VWCE: variants seen among roughly 807,000 people sequenced by gnomAD.
VWCE encodes the protein von Willebrand factor C and EGF domains.
A neutral mutation model predicts 102.9 loss-of-function variants in VWCE; 68 were observed. That is an observed-to-expected ratio of 0.66 (90% confidence interval 0.54 to 0.81). The LOEUF is 0.81. Among genes scored for constraint, VWCE ranks in the 30% least tolerant of loss-of-function variants. VWCE has a pLI of 0.00. For missense variants in VWCE, 1,137 were observed against 1,263.6 expected (o/e 0.90, Z 1.52); for synonymous variants, 497 against 515.4 (o/e 0.96, Z 0.48).
At chr11:61,290,710 A>G (rs920922486) in intron 4 of VWCE, 89 bp downstream of exon 4, 69 of 1,472,800 alleles carry the variant, frequency 4.7e-5, no homozygotes, top group Non-Finnish European at 6.2e-5. Flanking sequence ...TAGCCTTGCA[A>G]TACACTGGAG....
chr11:61,286,428 T>A lies in VWCE; in HGVS notation c.427A>T (p.Ile143Phe), dbSNP rs760017973. 3.1e-6 allele frequency: 5 copies of A among 1,611,536 alleles called. No individual in the cohort carries two copies. In the Admixed American group the frequency reaches 6.7e-5, roughly 21 times the overall value. ...CAGGAGGAGGTTACACATTCGTCAA[T>A]GTCTGGAAAGACAGAAAGCACGTGT... The part of the protein sequence containing the change: ...ETAVGIRCTD[I>F]DECVTSSCEG... The change falls in exon 5 of 20, where the codon ATT (isoleucine) becomes TTT (phenylalanine). Residue 143 changes from isoleucine (I) to phenylalanine (F), a missense_variant and splice_region_variant. Coordinates refer to ENST00000335613, the MANE Select transcript of VWCE (RefSeq NM_152718.2).
At position 61,282,897 on chromosome 11, in the gene VWCE, C is replaced by G. The variant is rs766871805; in HGVS notation, c.550G>C (p.Glu184Gln). 6.2e-7 allele frequency: 1 copy of G among 1,613,970 alleles called. No homozygotes were observed. Among genetic ancestry groups the G allele is most frequent in the Non-Finnish European group, 8.5e-7 (1 of 1,179,840 alleles). The change falls in exon 6 of 20, where the codon GAA becomes CAA. Residue 184 changes from glutamate (E) to glutamine (Q), a missense_variant. By Grantham distance (29) the Glu-to-Gln change is conservative. Transcript: ENST00000335613. The stretch of plus-strand genomic sequence containing the variant: ...TGCTGACAGGGAGTCCCTAGGCATT[C>G]GTCAGTGTCTGGCAGGAAAAGGGAC... ...ADRHSCQDTD[E>Q]CLGTPCQQRC...
intron 13 of VWCE, among the ~76,000 whole-genome samples, chr11:61,271,993 C>T (rs1854723272): frequency 6.6e-6 from 1 of 152,158 alleles, no homozygotes; most frequent in African/African-American, 2.4e-5. Flanking sequence ...AGATACCATT[C>T]ATGCACAGAG....
chr11:61,287,922 G>A (rs991536403), intron 4 of VWCE, among the ~76,000 whole-genome samples: 3 of 152,000 alleles, frequency 2.0e-5, no homozygotes, highest in African/African-American at 4.8e-5. Flanking sequence ...CTGGGAGGCC[G>A]AGGTGGGTGG....
At chr11:61,273,424 A>G (rs1590629678) in intron 12 of VWCE, 108 bp from the exon 13 acceptor site, 1 of 1,024,996 alleles carries the variant, frequency 9.8e-7, no homozygotes, top group East Asian at 2.6e-5. Flanking sequence ...CGGCTACTCA[A>G]GTGAAACTGA....
chr11:61,277,445 CAA>C (rs776374059), intron 10 of VWCE, among the ~76,000 whole-genome samples: 20 of 53,802 alleles, frequency 3.7e-4, no homozygotes, highest in East Asian at 4.9e-4. Flanking sequence ...CCTGCCTCTA[CAA>C]AAAAAAAAAA....
At chr11:61,284,033 G>A (rs915809896) in intron 5 of VWCE, among the ~76,000 whole-genome samples, 2 of 152,174 alleles carry the variant, frequency 1.3e-5, no homozygotes, top group African/African-American at 4.8e-5. Flanking sequence ...ACGTTGGGCA[G>A]GGGTAAGGGG....
At position 61,268,942 on chromosome 11, in the gene VWCE, C is replaced by G. The variant is rs954523388; in HGVS notation, c.1862G>C (p.Cys621Ser). The G allele has an allele frequency of 6.2e-7, 1 of 1,614,116 alleles. No homozygotes were observed. Among genetic ancestry groups the G allele is most frequent in the Admixed American group, 1.7e-5 (1 of 60,030 alleles). Residue 621 changes from cysteine (C) to serine (S), a missense_variant, in exon 15 of 20, where the codon TGC (cysteine) becomes TCC (serine). Physicochemically the swap from Cys to Ser is moderately radical, Grantham distance 112. Around this residue, in one of 5 missense-constraint regions of VWCE, gnomAD observed 212 missense variants for 235.1 expected, o/e 0.90. Transcript: ENST00000335613. ...CPHPIRIPGQ[C>S]CPDCSAGCTY... ...ATTACCTGCTGAACAGTCTGGGCAG[C>G]ACTGTCCAGGGATCCGGATCGGGTG...
rs957294752 is a variant in VWCE at position 61,294,798 on chromosome 11, C to A, written c.110+130G>T. 5.6e-5 allele frequency: 30 copies of A among 539,458 alleles called. No individual in the cohort carries two copies. The African/African-American group carries it at 5.8e-4, about 10-fold the overall frequency. The allele number at this position is 539,458 out of a possible 1,614,324, so 33.4% of individuals were successfully genotyped here. A position where few individuals can be genotyped will look rare whatever the true frequency, so the allele number is the denominator to read the frequency against. ...GTGCCGTCCCCGAGCTGTGCCCGCG[C>A]TGATAGCACCCCAGAGGAAGCCCCG... On this transcript the variant is annotated intron_variant, in intron 1 of 19. Coordinates refer to ENST00000335613, the MANE Select transcript of VWCE (RefSeq NM_152718.2). The surrounding 1 kb of genome is among the most constrained non-coding windows in gnomAD (Gnocchi z 6.3).
intron 6 of VWCE, chr11:61,282,567 G>C (rs1425671894): frequency 5.7e-6 from 3 of 527,492 alleles, no homozygotes; most frequent in Non-Finnish European, 1.0e-5. Flanking sequence ...AAACATAACA[G>C]GATGAAAGTG....
At chr11:61,270,058 C>T (rs1854634181) in intron 14 of VWCE, among the ~76,000 whole-genome samples, 1 of 151,976 alleles carries the variant, frequency 6.6e-6, no homozygotes, top group Non-Finnish European at 1.5e-5. Flanking sequence ...GCTGGGATTA[C>T]AGGTGCCCGC....
intron 14 of VWCE, 133 bp downstream of exon 14, chr11:61,271,542 G>A (rs1854700139): frequency 1.3e-6 from 1 of 773,340 alleles, no homozygotes; most frequent in East Asian, 2.8e-5. Flanking sequence ...TTGTGAAAGT[G>A]GAACTTGACA....
In VWCE at chr11:61,290,780, C is replaced by G; in HGVS notation, c.424+19G>C. ...CCGCTGTCCCCCTCCCCCTCCCCCA[C>G]CACTCCCAGGCGTCTCACCTGTACA... On this transcript the variant is annotated intron_variant, in intron 4 of 19. Transcript: ENST00000335613. 6.3e-7 allele frequency: 1 copy of G among 1,585,824 alleles called. No individual in the cohort carries two copies. Among genetic ancestry groups the G allele is most frequent in the South Asian group, 1.1e-5 (1 of 89,642 alleles).
chr11:61,274,044 T>C (rs1590630645), intron 12 of VWCE, among the ~76,000 whole-genome samples: 2 of 152,122 alleles, frequency 1.3e-5, no homozygotes, highest in Non-Finnish European at 2.9e-5. Flanking sequence ...CCTTGCCGCC[T>C]GCCTGACTCT....
At chr11:61,263,290 G>C (rs538188056) in intron 19 of VWCE, among the ~76,000 whole-genome samples, 1 of 146,418 alleles carries the variant, frequency 6.8e-6, no homozygotes, top group Admixed American at 6.8e-5. Flanking sequence ...CTGGGTGACA[G>C]AGTGAGAATC....
At chr11:61,279,230 G>A (rs1306972862) in intron 9 of VWCE, among the ~76,000 whole-genome samples, 2 of 151,978 alleles carry the variant, frequency 1.3e-5, no homozygotes, top group African/African-American at 2.4e-5. Context: ...CCAATACTTC[G>A]CACTCAAGAC....
intron 14 of VWCE, 58 bp from the exon 15 acceptor site, chr11:61,269,076 C>T (rs1165221709): frequency 2.3e-5 from 36 of 1,532,012 alleles, no homozygotes; most frequent in South Asian, 3.4e-5. Context: ...CCTGCCTCCC[C>T]GCCCTGCAAA....
At chr11:61,291,896 A>G (rs79027903) in intron 1 of VWCE, among the ~76,000 whole-genome samples, 1,944 of 152,342 alleles carry the variant, frequency 0.013, 48 homozygotes, top group African/African-American at 0.045. Flanking sequence ...TGGCTGCCTC[A>G]GGACCTTTGC....
chr11:61,274,605 A>G (rs752720049), intron 11 of VWCE, 21 bp from the exon 12 acceptor site: 2 of 1,612,184 alleles, frequency 1.2e-6, no homozygotes, highest in Non-Finnish European at 1.7e-6. Context: ...GAAAGGGAGA[A>G]GCAACTCAAG....
Sources: allele counts gnomAD v4.1 joint callset (sites outside exome capture counted in the v4.1 genomes callset), GRCh38; gene constraint gnomAD v4.1.1; regional missense constraint gnomAD v4.1.1; non-coding constraint Gnocchi (gnomAD v3.1); transcripts MANE v1.5; gene names NCBI Gene and HGNC (gene_info 2026-07-23, HGNC 2026-07-21).